Variants in RANBP2 observed in about 807,000 individuals in gnomAD.
RANBP2 encodes the protein RAN binding protein 2, also known as E3 SUMO-protein ligase RanBP2.
A neutral mutation model predicts 303.6 loss-of-function variants in RANBP2; 57 were observed. That is an observed-to-expected ratio of 0.19 (90% CI 0.15 to 0.23). The LOEUF is 0.23. RANBP2 is among the 10% of genes least tolerant of loss of function. The probability of loss-of-function intolerance (pLI) is 1.00; values close to 1 mark genes in which losing one functional copy is unlikely to be tolerated. For missense variants in RANBP2, 3,138 were observed against 3,780.8 expected (o/e 0.83, Z 4.46); for synonymous variants, 1,167 against 1,301.5 (o/e 0.90, Z 2.23).
the RANBP2 span, among the ~76,000 whole-genome samples, chr2:108,944,562 CT>C: frequency 6.6e-6 from 1 of 152,126 alleles, no homozygotes; most frequent in African/African-American, 2.4e-5. Context: ...TGATAATGGG[CT>C]CCTTCACAAG....
chr2:109,721,042 A>G, the RANBP2 span, among the ~76,000 whole-genome samples: 1 of 152,168 alleles, frequency 6.6e-6, no homozygotes, highest in Non-Finnish European at 1.5e-5. Context: ...GATCACACAG[A>G]ATGTGCCGCT....
chr2:109,659,403 C>A, the RANBP2 span, among the ~76,000 whole-genome samples: 3 of 152,152 alleles, frequency 2.0e-5, no homozygotes, highest in Non-Finnish European at 4.4e-5. Context: ...ACAAAAAAAA[C>A]AAAACTCAAA....
At chr2:109,397,861 G>A in the RANBP2 span, among the ~76,000 whole-genome samples, 1 of 152,224 alleles carries the variant, frequency 6.6e-6, no homozygotes, top group South Asian at 2.1e-4. Context: ...CCACCACCCA[G>A]GATCAGACTT....
chr2:109,076,182 A>G, the RANBP2 span, among the ~76,000 whole-genome samples: 1 of 150,708 alleles, frequency 6.6e-6, no homozygotes, highest in African/African-American at 2.4e-5. Flanking sequence ...AGAATGAAAG[A>G]TTAAAAAAAA....
At chr2:109,335,124 C>T in the RANBP2 span, among the ~76,000 whole-genome samples, 5 of 152,316 alleles carry the variant, frequency 3.3e-5, no homozygotes, top group African/African-American at 9.6e-5. Flanking sequence ...TTCGTGTTTT[C>T]GGAGCAGATT....
At chr2:109,614,914 C>G in the RANBP2 span, 1 of 1,468,558 alleles carries the variant, frequency 6.8e-7, no homozygotes, top group Non-Finnish European at 8.9e-7. Flanking sequence ...CCCCCCGCCC[C>G]CGCGCACTGG....
At chr2:109,643,906 A>C in the RANBP2 span, among the ~76,000 whole-genome samples, 1 of 152,030 alleles carries the variant, frequency 6.6e-6, no homozygotes, top group Non-Finnish European at 1.5e-5. Context: ...GCGGATCACG[A>C]GGTCAGGAGA....
the RANBP2 span, among the ~76,000 whole-genome samples, chr2:109,009,341 AATAT>A: frequency 6.6e-6 from 1 of 150,934 alleles, no homozygotes; most frequent in African/African-American, 2.5e-5. Context: ...CTGTCTCAAA[AATAT>A]ATATATAAAT....
At chr2:109,329,540 C>T in the RANBP2 span, among the ~76,000 whole-genome samples, 4 of 152,222 alleles carry the variant, frequency 2.6e-5, no homozygotes, top group Non-Finnish European at 5.9e-5. Context: ...TCTCCCTTCC[C>T]TGCACTGGGG....
chr2:109,670,109 C>T, the RANBP2 span, among the ~76,000 whole-genome samples: 1 of 152,180 alleles, frequency 6.6e-6, no homozygotes, highest in Non-Finnish European at 1.5e-5. Context: ...TCCTCTAAGC[C>T]AGGCACAGAG....
chr2:108,728,636 T>C (rs1395868719), intron 1 of RANBP2, among the ~76,000 whole-genome samples: 2 of 149,528 alleles, frequency 1.3e-5, no homozygotes, highest in Non-Finnish European at 3.0e-5. Context: ...ATGATGATGA[T>C]GATGTTTGGG....
chr2:109,387,309 C>G, the RANBP2 span, among the ~76,000 whole-genome samples: 1 of 152,216 alleles, frequency 6.6e-6, no homozygotes, highest in Non-Finnish European at 1.5e-5. Context: ...CCGGGGGATC[C>G]TGTTGTGTCC....
intron 1 of RANBP2, among the ~76,000 whole-genome samples, chr2:108,719,886 C>G (rs1290787337): frequency 3.3e-5 from 5 of 152,046 alleles, no homozygotes; most frequent in African/African-American, 1.2e-4. Flanking sequence ...CCTTTGGCGC[C>G]GGCGCTTCCT....
chr2:109,501,509 C>T, the RANBP2 span: 5 of 777,596 alleles, frequency 6.4e-6, no homozygotes, highest in Admixed American at 3.4e-5. Context: ...CCAGGTACCG[C>T]GTGGTGGTCT....
intron 25 of RANBP2, 75 bp from the exon 26 acceptor site, chr2:108,781,194 A>T: frequency 7.2e-7 from 1 of 1,383,864 alleles, no homozygotes; most frequent in South Asian, 1.2e-5. Context: ...AATTAGAGGG[A>T]TTGATAAAAT....
At chr2:109,280,663 C>T in the RANBP2 span, among the ~76,000 whole-genome samples, 6 of 152,312 alleles carry the variant, frequency 3.9e-5, no homozygotes, top group East Asian at 1.9e-4. Flanking sequence ...TGAGAGCATT[C>T]GGGTAATGTA....
chr2:109,312,720 T>G, the RANBP2 span, among the ~76,000 whole-genome samples: 1 of 152,256 alleles, frequency 6.6e-6, no homozygotes, highest in Non-Finnish European at 1.5e-5. Flanking sequence ...CCTCTATAGC[T>G]GAAGAATGTC....
the RANBP2 span, chr2:108,798,310 T>G: frequency 1.4e-4 from 145 of 1,022,670 alleles, 2 homozygotes; most frequent in East Asian, 3.6e-3. Context: ...CAGATTGTCC[T>G]TAGGTACCCC....
the RANBP2 span, among the ~76,000 whole-genome samples, chr2:108,816,580 G>A: frequency 6.6e-6 from 1 of 152,218 alleles, no homozygotes; most frequent in South Asian, 2.1e-4. Flanking sequence ...GCTGAGGTCT[G>A]TCTCCCTTTT....
Sources: allele counts gnomAD v4.1 joint callset (sites outside exome capture counted in the v4.1 genomes callset), GRCh38; gene constraint gnomAD v4.1.1; transcripts MANE v1.5; gene names NCBI Gene and HGNC (gene_info 2026-07-23, HGNC 2026-07-21).